The following ZNF502 variants were observed in gnomAD, a reference collection of about 807,000 sequenced individuals.
The protein encoded by ZNF502 is zinc finger protein 502.
ZNF502 carries 29 observed loss-of-function variants against 43.6 expected under a neutral mutation model. That is an observed-to-expected ratio of 0.67 (90% CI 0.50 to 0.91). ZNF502 has a LOEUF of 0.91. ZNF502 is among the 40% of genes least tolerant of loss of function. The pLI is 0.00. For missense variants in ZNF502, 591 were observed against 647.2 expected (o/e 0.91, Z 0.94); for synonymous variants, 171 against 207.4 (o/e 0.82, Z 1.51).
chr3:44,713,406 A>G (rs796351093), intron 1 of ZNF502, among the ~76,000 whole-genome samples: 6 of 152,326 alleles, frequency 3.9e-5, no homozygotes, highest in African/African-American at 1.2e-4. Context: ...CCACATGTAA[A>G]GATGCTTCCA....
At chr3:44,716,287 A>C (rs1704143433) in intron 1 of ZNF502, among the ~76,000 whole-genome samples, 1 of 151,100 alleles carries the variant, frequency 6.6e-6, no homozygotes, top group Non-Finnish European at 1.5e-5. Context: ...CCCTGGGTTC[A>C]AGCAATTCTC....
chr3:44,720,362 G>A, intron 2 of ZNF502, 46 bp downstream of exon 2: 1 of 1,594,642 alleles, frequency 6.3e-7, no homozygotes. Flanking sequence ...TCAGCCAATA[G>A]GAAGCCTTTG....
rs17076938 is a variant in ZNF502 at position 44,720,237 on chromosome 3, A to C, written c.-25A>C. On this transcript the variant is annotated 5_prime_UTR_variant, in exon 2 of 3. Coordinates refer to ENST00000436624, the MANE Select transcript of ZNF502 (RefSeq NM_001134442.3). ...TTTTCCAGACCTGAAGTGTTTTCCA[A>C]TCAAAGCGAAGAGACGATCTGTGGA... 1 of 1,613,940 alleles carries C rather than the reference A, an allele frequency of 6.2e-7. No homozygotes were observed. The highest frequency in any genetic ancestry group is 8.5e-7 in the Non-Finnish European group (1 of 1,179,878).
At chr3:44,716,226 C>T (rs538491713) in intron 1 of ZNF502, among the ~76,000 whole-genome samples, 17 of 145,706 alleles carry the variant, frequency 1.2e-4, no homozygotes, top group Middle Eastern at 3.6e-3. Flanking sequence ...TCGCTCTTGT[C>T]GCCCAAGCTG....
chr3:44,713,962 G>A (rs953607075), intron 1 of ZNF502, among the ~76,000 whole-genome samples: 2 of 152,148 alleles, frequency 1.3e-5, no homozygotes, highest in Non-Finnish European at 2.9e-5. Flanking sequence ...GTGACCCAAG[G>A]CTGCATAAGA....
In ZNF502 at chr3:44,721,796, G is replaced by A. The variant is rs749936670; in HGVS notation, c.979G>A (p.Glu327Lys). ...HTGEKPHKCD[E>K]CGKTFQTKAN... is the part of the protein sequence containing the mutation. Reference sequence around the variant, plus strand: ...TGGGGAAAAACCCCATAAATGTGACGAATGTGGGAAAACTTTCCAAACAAA... The same window carrying A: ...TGGGGAAAAACCCCATAAATGTGACAAATGTGGGAAAACTTTCCAAACAAA... The change falls in exon 3 of 3, where the codon GAA becomes AAA. Residue 327 changes from glutamate (E) to lysine (K), a missense_variant. By Grantham distance (56) the Glu-to-Lys change is moderately conservative. Transcript: ENST00000436624. The A allele has an allele frequency of 1.4e-5, 22 of 1,614,078 alleles. No individual in the cohort carries two copies. The highest frequency in any genetic ancestry group is 1.6e-4 in the Middle Eastern group (1 of 6,062).
intron 1 of ZNF502, among the ~76,000 whole-genome samples, chr3:44,713,504 C>T (rs1292240699): frequency 6.6e-6 from 1 of 152,022 alleles, no homozygotes. Context: ...ATACCAGGCA[C>T]TATTTGAAGC....
In ZNF502 at chr3:44,721,172, A is replaced by G. The variant is rs1277171771; in HGVS notation, c.355A>G (p.Arg119Gly). 5 of 1,613,966 alleles carry G rather than the reference A, an allele frequency of 3.1e-6. No homozygotes were observed. In the African/African-American group the frequency reaches 6.7e-5, roughly 22 times the overall value. ...GACCTCAAGCCTTGTTACACGTCTC[A>G]GGGTTTCTACAGAAGAGAGTCTGCA... is the stretch of plus-strand genomic sequence containing the variant. ...LLTSSLVTRLRVSTEESLHQW... is the reference protein window; with the variant it reads ...LLTSSLVTRLGVSTEESLHQW... Residue 119 changes from arginine to glycine, a missense_variant, in exon 3 of 3, where the codon AGG (arginine) becomes GGG (glycine). Coordinates refer to ENST00000436624, the MANE Select transcript of ZNF502 (RefSeq NM_001134442.3).
Position 44,721,482 on chromosome 3 carries a change from G to A in ZNF502, c.665G>A (p.Cys222Tyr). The change falls in exon 3 of 3, where the codon TGT becomes TAT. Residue 222 changes from cysteine (C) to tyrosine (Y), a missense_variant. Cys to Tyr is a radical substitution (Grantham distance 194). Transcript: ENST00000436624. Reference sequence around the variant, plus strand: ...GAGCAGTGTGGGAAAACATTTCGATGTCGATCATTTCTTACTCAGCATCAA... The same window carrying A: ...GAGCAGTGTGGGAAAACATTTCGATATCGATCATTTCTTACTCAGCATCAA... Reference protein sequence around the residue: ...GCEQCGKTFRCRSFLTQHQRI... With the variant: ...GCEQCGKTFRYRSFLTQHQRI... 2.5e-6 allele frequency: 4 copies of A among 1,614,176 alleles called. No homozygotes were observed. Among genetic ancestry groups the A allele is most frequent in the Non-Finnish European group, 3.4e-6 (4 of 1,180,020 alleles).
At chr3:44,714,199 C>T (rs918247927) in intron 1 of ZNF502, among the ~76,000 whole-genome samples, 1 of 152,182 alleles carries the variant, frequency 6.6e-6, no homozygotes, top group Non-Finnish European at 1.5e-5. Flanking sequence ...GAAGCCAGCT[C>T]TCTAATAGGT....
chr3:44,721,745 CT>C lies in ZNF502; in HGVS notation c.930del (p.Thr311ArgfsTer144). The C allele has an allele frequency of 6.2e-7, 1 of 1,612,964 alleles. No homozygotes were observed. The highest frequency in any genetic ancestry group is 8.5e-7 in the Non-Finnish European group (1 of 1,179,272). ...CTCTTCTTTTCGAAAACACTCAAAT[CT>C]TACGCAACATCAGAGAATTCACACT... ...CGSSFRKHSNLTQHQRIHTGE... is the reference protein window; with the variant it reads ...CGSSFRKHSNXTQHQRIHTGE... On this transcript the variant is annotated frameshift_variant, in exon 3 of 3. Transcript: ENST00000436624. LOFTEE classifies it high-confidence loss of function.
Position 44,720,192 on chromosome 3 carries a change from C to A in ZNF502, c.-59-11C>A. On this transcript the variant is annotated splice_polypyrimidine_tract_variant and intron_variant, in intron 1 of 2. Coordinates refer to ENST00000436624, the MANE Select transcript of ZNF502 (RefSeq NM_001134442.3). The stretch of plus-strand genomic sequence containing the variant: ...TCCCTCCCTCCCTGCACCTTTTCTC[C>A]CCATGAGCAGGGTTCCCAGTTTTCC... 1 of 1,555,274 alleles carries A rather than the reference C, an allele frequency of 6.4e-7. No individual in the cohort carries two copies. The highest frequency in any genetic ancestry group is 8.9e-7 in the Non-Finnish European group (1 of 1,126,616).
In ZNF502 at chr3:44,720,876, G is replaced by A. The variant is rs906746568; in HGVS notation, c.59G>A (p.Trp20Ter). The A allele has an allele frequency of 4.4e-6, 7 of 1,608,866 alleles. No individual in the cohort carries two copies. Among genetic ancestry groups the A allele is most frequent in the African/African-American group, 1.3e-5 (1 of 74,728 alleles). The change falls in exon 3 of 3, where the codon TGG becomes TAG. Residue 20 changes from tryptophan (W) to a stop codon, truncating the protein, a stop_gained. Transcript: ENST00000436624. LOFTEE classifies it low-confidence loss of function (END_TRUNC). ...TCATTCTGCTGTTTTCTTTCAGGCT[G>A]GGTAAACAAGAACAAGCCTGCTCTG... is the stretch of plus-strand genomic sequence containing the variant. ...RDIRRETCPG[W>*]VNKNKPALEQ...
Position 44,722,181 on chromosome 3 carries a change from G to T in ZNF502, c.1364G>T (p.Arg455Ile). 6.2e-7 allele frequency: 1 copy of T among 1,614,206 alleles called. No homozygotes were observed. The highest frequency in any genetic ancestry group is 8.5e-7 in the Non-Finnish European group (1 of 1,180,040). Reference protein sequence around the residue: ...NQNTCLTQHMRIHTGEKPYKC... With the variant: ...NQNTCLTQHMIIHTGEKPYKC... ...AACACCTGCCTCACTCAGCATATGAGAATTCATACTGGAGAGAAGCCCTAT... is the reference window on the plus strand; with the variant it reads ...AACACCTGCCTCACTCAGCATATGATAATTCATACTGGAGAGAAGCCCTAT... Residue 455 changes from arginine to isoleucine, a missense_variant, in exon 3 of 3, where the codon AGA (arginine) becomes ATA (isoleucine). Arg to Ile is a moderately conservative substitution (Grantham distance 97). Transcript: ENST00000436624.
intron 1 of ZNF502, 28 bp downstream of exon 1, chr3:44,712,768 A>G (rs1015702419): frequency 2.6e-5 from 4 of 152,322 alleles, no homozygotes; most frequent in African/African-American, 9.7e-5. Context: ...CAGGGAGGGG[A>G]AAAGAGAGGA....
chr3:44,722,531 T>G lies in ZNF502; in HGVS notation c.*79T>G, dbSNP rs915116817. The G allele has an allele frequency of 1.9e-4, 290 of 1,497,652 alleles. No individual in the cohort carries two copies. The highest frequency in any genetic ancestry group is 4.8e-4 in the Middle Eastern group (2 of 4,136). 92.8% of individuals were successfully genotyped at this position (1,497,652 alleles called of 1,614,324 possible). ...CTGGGAGTAGAGGGGCAGGTAGAGT[T>G]CCTGGAGGGAAGGATGAAGGAGCCT... On this transcript the variant is annotated 3_prime_UTR_variant, in exon 3 of 3. Transcript: ENST00000436624.
At position 44,722,200 on chromosome 3, in the gene ZNF502, G is replaced by C; in HGVS notation, c.1383G>C (p.Lys461Asn). ...ATATGAGAATTCATACTGGAGAGAAGCCCTATAAATGTAAAGAATGTGGGA... is the reference window on the plus strand; with the variant it reads ...ATATGAGAATTCATACTGGAGAGAACCCCTATAAATGTAAAGAATGTGGGA... ...TQHMRIHTGE[K>N]PYKCKECGKA... The change falls in exon 3 of 3, where the codon AAG becomes AAC. Residue 461 changes from lysine (K) to asparagine (N), a missense_variant. Physicochemically the swap from Lys to Asn is moderately conservative, Grantham distance 94. Coordinates refer to ENST00000436624, the MANE Select transcript of ZNF502 (RefSeq NM_001134442.3). The C allele has an allele frequency of 6.2e-7, 1 of 1,614,094 alleles. No homozygotes were observed. The highest frequency in any genetic ancestry group is 1.3e-5 in the African/African-American group (1 of 75,032).
intron 1 of ZNF502, among the ~76,000 whole-genome samples, chr3:44,716,635 A>T (rs542231130): frequency 3.9e-5 from 6 of 152,340 alleles, no homozygotes; most frequent in Non-Finnish European, 7.3e-5. Flanking sequence ...TACAACTTTC[A>T]CACCTGATGT....
intron 1 of ZNF502, among the ~76,000 whole-genome samples, chr3:44,713,418 T>A (rs1305385105): frequency 1.3e-5 from 2 of 152,198 alleles, no homozygotes; most frequent in Non-Finnish European, 2.9e-5. Context: ...ATGCTTCCAG[T>A]CTTGTTTAGG....
Sources: allele counts gnomAD v4.1 joint callset (sites outside exome capture counted in the v4.1 genomes callset), GRCh38; gene constraint gnomAD v4.1.1; transcripts MANE v1.5; gene names NCBI Gene and HGNC (gene_info 2026-07-23, HGNC 2026-07-21).